TCF12: variants seen among roughly 807,000 people sequenced by gnomAD.
The protein encoded by TCF12 is transcription factor 12, also known as DNA-binding protein HTF4.
A neutral mutation model predicts 86.0 loss-of-function variants in TCF12; 45 were observed. The ratio of observed to expected loss-of-function variants is 0.52; its 90% CI spans 0.41 to 0.67. The LOEUF (loss-of-function observed/expected upper bound fraction) is 0.67, where lower values mean the gene tolerates loss of function less well. Among genes scored for constraint, TCF12 ranks in the 30% least tolerant of loss-of-function variants. The probability of loss-of-function intolerance (pLI) is 0.00; values close to 1 mark genes in which losing one functional copy is unlikely to be tolerated. For synonymous variants in TCF12, 330 were observed against 299.6 expected (o/e 1.10, Z -1.05); for missense variants, 881 against 859.9 (o/e 1.02, Z -0.31).
intron 5 of TCF12, among the ~76,000 whole-genome samples, chr15:57,142,970 A>G (rs556649833): frequency 5.9e-5 from 9 of 152,204 alleles, no homozygotes; most frequent in African/African-American, 1.2e-4. Flanking sequence ...GACTGCATTC[A>G]ATAATTTAAT....
intron 5 of TCF12, among the ~76,000 whole-genome samples, chr15:57,120,973 T>C (rs1320497116): frequency 1.3e-5 from 2 of 151,526 alleles, no homozygotes; most frequent in East Asian, 3.8e-4. Context: ...AAAGTGAGAC[T>C]GTCTAAAAAA....
intron 5 of TCF12, among the ~76,000 whole-genome samples, chr15:57,122,160 C>G (rs1237447906): frequency 6.8e-6 from 1 of 147,264 alleles, no homozygotes; most frequent in Non-Finnish European, 1.5e-5. Flanking sequence ...TCAAACATCA[C>G]CTCATTTTTA....
intron 3 of TCF12, among the ~76,000 whole-genome samples, chr15:57,053,813 A>C (rs1427415858): frequency 6.6e-6 from 1 of 152,144 alleles, no homozygotes; most frequent in Non-Finnish European, 1.5e-5. Context: ...ATAGAGATCA[A>C]AGAAATGAAG....
At chr15:57,149,142 A>G (rs1207419808) in intron 5 of TCF12, among the ~76,000 whole-genome samples, 2 of 152,234 alleles carry the variant, frequency 1.3e-5, no homozygotes. Flanking sequence ...AAATGTAAAT[A>G]TGACGTAGCT....
intron 3 of TCF12, among the ~76,000 whole-genome samples, chr15:57,006,259 A>AT (rs1305377404): frequency 1.2e-4 from 19 of 152,062 alleles, no homozygotes; most frequent in African/African-American, 4.3e-4. Context: ...GACTATACTT[A>AT]TTTTTACCAG....
chr15:57,197,964 T>A (rs1446430544), intron 8 of TCF12, 139 bp downstream of exon 8: 1 of 804,554 alleles, frequency 1.2e-6, no homozygotes, highest in Admixed American at 2.9e-5. Context: ...AACAAAATCA[T>A]TGATTGAGGT....
At chr15:57,267,121 A>G (rs1026762682) in intron 18 of TCF12, among the ~76,000 whole-genome samples, 2 of 152,214 alleles carry the variant, frequency 1.3e-5, no homozygotes, top group African/African-American at 4.8e-5. Context: ...TTCATTTATC[A>G]ATGATATGTG....
At chr15:56,934,185 T>A (rs936632285) in intron 3 of TCF12, among the ~76,000 whole-genome samples, 3 of 152,166 alleles carry the variant, frequency 2.0e-5, no homozygotes, top group Non-Finnish European at 2.9e-5. Context: ...GTTTTTAAAA[T>A]GCTTGTTGAG....
intron 19 of TCF12, 38 bp from the exon 20 acceptor site, chr15:57,282,407 A>G (rs1341180120): frequency 6.8e-6 from 11 of 1,613,398 alleles, no homozygotes; most frequent in Non-Finnish European, 9.3e-6. Flanking sequence ...TTCATAACTT[A>G]AAACCATAGT....
intron 4 of TCF12, among the ~76,000 whole-genome samples, chr15:57,068,039 A>G (rs2069052274): frequency 6.6e-6 from 1 of 151,690 alleles, no homozygotes; most frequent in African/African-American, 2.4e-5. Flanking sequence ...CTCTAGTTTC[A>G]GATTTTTTTT....
intron 3 of TCF12, among the ~76,000 whole-genome samples, chr15:57,052,901 A>G (rs186044454): frequency 6.6e-5 from 10 of 152,186 alleles, no homozygotes; most frequent in Non-Finnish European, 1.3e-4. Context: ...ACTATTGTGA[A>G]TAATGCTGCA....
intron 5 of TCF12, among the ~76,000 whole-genome samples, chr15:57,142,066 AG>A (rs776892972): frequency 2.4e-4 from 37 of 151,544 alleles, no homozygotes; most frequent in Admixed American, 1.2e-3. Context: ...CAAAAACAAG[AG>A]GAGGTGAGAT....
intron 5 of TCF12, among the ~76,000 whole-genome samples, chr15:57,138,925 T>G (rs187187839): frequency 6.6e-6 from 1 of 152,172 alleles, no homozygotes; most frequent in Non-Finnish European, 1.5e-5. Context: ...TGAGAAAAAT[T>G]TAAGTAAGTG....
intron 18 of TCF12, among the ~76,000 whole-genome samples, chr15:57,266,167 T>C (rs2060860459): frequency 6.6e-6 from 1 of 152,094 alleles, no homozygotes; most frequent in South Asian, 2.1e-4. Context: ...TGGAATGCCA[T>C]GGGGTGATCT....
At position 57,234,109 on chromosome 15, in the gene TCF12, T is replaced by C; in HGVS notation, c.1035+2T>C. 1 of 1,612,500 alleles carries C rather than the reference T, an allele frequency of 6.2e-7. No individual in the cohort carries two copies. Among genetic ancestry groups the C allele is most frequent in the Non-Finnish European group, 8.5e-7 (1 of 1,178,684 alleles). On this transcript the variant is annotated splice_donor_variant, in intron 12 of 20. Transcript: ENST00000333725. LOFTEE classifies it high-confidence loss of function. ...GCACTTGGAAAGGCTTTGGCATCTG[T>C]GAGTATTGATTTTACACATTCTACT...
intron 16 of TCF12, among the ~76,000 whole-genome samples, chr15:57,256,001 A>G (rs781756301): frequency 9.2e-5 from 14 of 152,182 alleles, no homozygotes; most frequent in African/African-American, 1.2e-4. Flanking sequence ...ATCATCTGCT[A>G]TCTTCATCTC....
At chr15:57,246,729 A>G (rs559143832) in intron 13 of TCF12, among the ~76,000 whole-genome samples, 5 of 152,348 alleles carry the variant, frequency 3.3e-5, no homozygotes, top group East Asian at 1.9e-4. Context: ...ACTACATTGC[A>G]TTAGTCAGTA....
At chr15:57,105,903 A>T (rs2050104048) in intron 5 of TCF12, among the ~76,000 whole-genome samples, 3 of 152,200 alleles carry the variant, frequency 2.0e-5, no homozygotes, top group Admixed American at 2.0e-4. Context: ...TGTTCGTTAT[A>T]AGGGGTATTT....
At chr15:57,036,539 G>C (rs1229331695) in intron 3 of TCF12, among the ~76,000 whole-genome samples, 1 of 152,110 alleles carries the variant, frequency 6.6e-6, no homozygotes, top group South Asian at 2.1e-4. Context: ...ATTATAGCCT[G>C]CCTAGTAGTT....
Sources: allele counts gnomAD v4.1 joint callset (sites outside exome capture counted in the v4.1 genomes callset), GRCh38; gene constraint gnomAD v4.1.1; transcripts MANE v1.5; gene names NCBI Gene and HGNC (gene_info 2026-07-23, HGNC 2026-07-21).